Variants in ARMC1 observed in about 807,000 individuals in gnomAD.
ARMC1 encodes armadillo repeat-containing protein 1.
ARMC1 carries 16 observed loss-of-function variants against 31.4 expected under a neutral mutation model. That is an observed-to-expected ratio of 0.51 (90% CI 0.34 to 0.77). ARMC1 has a LOEUF of 0.77. Ranked by LOEUF, ARMC1 falls within the 30% of genes least tolerant of loss-of-function variation. The pLI is 0.01. For synonymous variants in ARMC1, 114 were observed against 118.9 expected, an observed-to-expected ratio of 0.96 and a Z score of 0.27; for missense variants, 259 against 347.5, an observed-to-expected ratio of 0.75 and a Z score of 2.02.
At position 65,602,891 on chromosome 8, in the gene ARMC1, T is replaced by A. The variant is rs1807923231; in HGVS notation, c.*1503A>T. On this transcript the variant is annotated 3_prime_UTR_variant, in exon 7 of 7. Transcript: ENST00000276569. ...GAAACCAAACACATGTAAAAAAATA[T>A]CATCCTCAATGCCCCCCATTAACTC... 1 of 151,164 alleles carries A rather than the reference T, an allele frequency of 6.6e-6. No individual in the cohort carries two copies. Among genetic ancestry groups the A allele is most frequent in the Non-Finnish European group, 1.5e-5 (1 of 67,752 alleles). The allele number at this position is 151,164 out of a possible 1,614,324, so 9.4% of individuals were successfully genotyped here. A position where few individuals can be genotyped will look rare whatever the true frequency, so the allele number is the denominator to read the frequency against.
At chr8:65,619,479 A>G (rs899217743) in intron 3 of ARMC1, among the ~76,000 whole-genome samples, 2 of 152,164 alleles carry the variant, frequency 1.3e-5, no homozygotes, top group African/African-American at 2.4e-5. Flanking sequence ...AAGAGATTGC[A>G]GTGAGCTGAG....
chr8:65,631,778 C>T (rs1045633665), intron 1 of ARMC1, among the ~76,000 whole-genome samples: 16 of 151,916 alleles, frequency 1.1e-4, no homozygotes, highest in Non-Finnish European at 2.9e-5. Flanking sequence ...GAGGCTGAGG[C>T]AGGAGACTGG....
At chr8:65,617,163 G>A (rs546157126) in intron 3 of ARMC1, among the ~76,000 whole-genome samples, 17 of 152,360 alleles carry the variant, frequency 1.1e-4, no homozygotes, top group South Asian at 2.1e-4. Flanking sequence ...TGACGATGGC[G>A]GTTTTGTCGA....
chr8:65,626,313 G>T (rs190558951), intron 2 of ARMC1, among the ~76,000 whole-genome samples: 131 of 152,028 alleles, frequency 8.6e-4, no homozygotes, highest in African/African-American at 2.9e-3. Context: ...TAGATAAAAA[G>T]TTGTGGTGGG....
At chr8:65,616,712 A>T (rs150759017) in intron 3 of ARMC1, among the ~76,000 whole-genome samples, 2 of 145,508 alleles carry the variant, frequency 1.4e-5, no homozygotes, top group Non-Finnish European at 3.0e-5. Context: ...GGCCACCCAT[A>T]GTCTGAGATG....
At position 65,604,324 on chromosome 8, in the gene ARMC1, G is replaced by C; in HGVS notation, c.*70C>G. 1 of 1,438,032 alleles carries C rather than the reference G, an allele frequency of 7.0e-7. No individual in the cohort carries two copies. The highest frequency in any genetic ancestry group is 9.5e-7 in the Non-Finnish European group (1 of 1,050,626). 89.1% of individuals were successfully genotyped at this position (1,438,032 alleles called of 1,614,324 possible). On this transcript the variant is annotated 3_prime_UTR_variant, in exon 7 of 7. Transcript: ENST00000276569. ...TGATAACTTATTGCAAATTGCACTT[G>C]ACAGTTCACCACAACAATGGAAAAC...
At chr8:65,623,378 G>A (rs923594679) in intron 2 of ARMC1, among the ~76,000 whole-genome samples, 2 of 149,574 alleles carry the variant, frequency 1.3e-5, no homozygotes, top group African/African-American at 2.5e-5. Context: ...GGAGGCCAAG[G>A]CAGGCCGATC....
intron 1 of ARMC1, among the ~76,000 whole-genome samples, chr8:65,631,260 G>A (rs1046158131): frequency 6.6e-6 from 1 of 151,952 alleles, no homozygotes; most frequent in Non-Finnish European, 1.5e-5. Context: ...GGGGGAACAG[G>A]GTCTCACTCT....
At chr8:65,606,254 G>C (rs185571426) in intron 4 of ARMC1, among the ~76,000 whole-genome samples, 1 of 151,828 alleles carries the variant, frequency 6.6e-6, no homozygotes, top group African/African-American at 2.4e-5. Context: ...CCAGCTGCTC[G>C]GGAGGCTGAG....
At chr8:65,605,588 TA>T (rs755010791) in intron 4 of ARMC1, 50 bp from the exon 5 acceptor site, 21 of 1,331,364 alleles carry the variant, frequency 1.6e-5, no homozygotes, top group Admixed American at 1.0e-4. Context: ...TAAAAGGTAA[TA>T]AATCAGTGAA....
intron 3 of ARMC1, among the ~76,000 whole-genome samples, chr8:65,616,885 C>T (rs1237711274): frequency 6.8e-6 from 1 of 147,962 alleles, no homozygotes; most frequent in Non-Finnish European, 1.5e-5. Flanking sequence ...AGTGAGGAGC[C>T]CCTCCGCCCG....
chr8:65,613,315 G>C lies in ARMC1; in HGVS notation c.394C>G (p.Gln132Glu), dbSNP rs1808182540. The C allele has an allele frequency of 6.2e-7, 1 of 1,612,214 alleles. No individual in the cohort carries two copies. Among genetic ancestry groups the C allele is most frequent in the South Asian group, 1.1e-5 (1 of 90,636 alleles). ...NEMNSRRRKA[Q>E]FFLGTTNKRA... The stretch of plus-strand genomic sequence containing the variant: ...TTGTTTGTAGTTCCCAGAAAAAATT[G>C]AGCTTTCCTTCGACGTGAATTCATC... Residue 132 changes from glutamine to glutamate, a missense_variant, in exon 4 of 7, where the codon CAA becomes GAA. By Grantham distance (29) the Gln-to-Glu change is conservative. Transcript: ENST00000276569.
intron 2 of ARMC1, among the ~76,000 whole-genome samples, chr8:65,623,734 C>T (rs201292588): frequency 1.5e-5 from 2 of 129,286 alleles, no homozygotes; most frequent in African/African-American, 5.8e-5. Context: ...ACAAGAATTA[C>T]GGCAGTTTTC....
intron 4 of ARMC1, 134 bp from the exon 5 acceptor site, chr8:65,605,672 C>CAG (rs1382511115): frequency 3.0e-6 from 2 of 675,270 alleles, no homozygotes; most frequent in Non-Finnish European, 5.2e-6. Flanking sequence ...TTTCAGGGCA[C>CAG]AGAGTGGGGG....
intron 3 of ARMC1, 89 bp from the exon 4 acceptor site, chr8:65,613,522 T>G: frequency 1.2e-6 from 1 of 858,190 alleles, no homozygotes; most frequent in Non-Finnish European, 1.8e-6. Flanking sequence ...TTGTTTCTTT[T>G]ACTCTAATGC....
At chr8:65,631,883 T>TAA (rs61273646) in intron 1 of ARMC1, among the ~76,000 whole-genome samples, 2 of 140,056 alleles carry the variant, frequency 1.4e-5, no homozygotes, top group Non-Finnish European at 3.1e-5. Context: ...CCCTGTCTCT[T>TAA]AAAAAAAAAA....
chr8:65,611,036 C>T (rs113546214), intron 4 of ARMC1, among the ~76,000 whole-genome samples: 18,171 of 151,814 alleles, frequency 0.12, 1,237 homozygotes, highest in Middle Eastern at 0.17. Context: ...TGGGTTCAAG[C>T]GATTCTCCTG....
intron 4 of ARMC1, 63 bp from the exon 5 acceptor site, chr8:65,605,601 A>AG: frequency 8.3e-7 from 1 of 1,198,022 alleles, no homozygotes; most frequent in Middle Eastern, 1.9e-4. Context: ...ATCAGTGAAA[A>AG]CCAAGCTATA....
intron 3 of ARMC1, among the ~76,000 whole-genome samples, chr8:65,621,606 T>G (rs1808395300): frequency 1.3e-5 from 2 of 152,076 alleles, no homozygotes; most frequent in Admixed American, 1.3e-4. Context: ...CCTCCCAGGT[T>G]CAAGTGATTC....
Sources: gnomAD v4.1 joint callset for allele counts (sites outside exome capture counted in the v4.1 genomes callset) on GRCh38, gnomAD v4.1.1 for gene constraint, MANE v1.5 for transcripts, NCBI Gene and HGNC (gene_info 2026-07-23, HGNC 2026-07-21) for gene names.